Variants in RGS6 observed in about 807,000 individuals in gnomAD.
The protein encoded by RGS6 is regulator of G protein signaling 6.
Under a neutral mutation model 78.5 loss-of-function variants are expected in RGS6, and 30 were observed. The ratio of observed to expected loss-of-function variants is 0.38; its 90% confidence interval spans 0.29 to 0.52. The LOEUF is 0.52. RGS6 is among the 20% of genes least tolerant of loss of function. The pLI is 0.85. For synonymous variants in RGS6, 206 were observed against 206.0 expected (o/e 1.00, Z 0.00); for missense variants, 495 against 609.7 (o/e 0.81, Z 1.98).
At position 72,056,415 on chromosome 14, in the gene RGS6, C is replaced by T. The variant is rs754193629; in HGVS notation, c.84+91540C>T. Among the ~76,000 whole-genome samples the T allele has an allele frequency of 2.0e-5, 3 of 152,214 alleles. No individual in the cohort carries two copies. In the East Asian group the frequency reaches 5.8e-4, roughly 29 times the overall value. ...TCCTCATCAAAAAACAGCCTTTAATCTCCTACCCAAATCCACCTCGTACCT... is the reference window on the plus strand; with the variant it reads ...TCCTCATCAAAAAACAGCCTTTAATTTCCTACCCAAATCCACCTCGTACCT... On this transcript the variant is annotated intron_variant, in intron 2 of 17. Transcript: ENST00000553525.
At chr14:72,540,919 G>A (rs550883192) in intron 17 of RGS6, 9 of 985,438 alleles carry the variant, frequency 9.1e-6, no homozygotes, top group Middle Eastern at 5.2e-4. Flanking sequence ...TGGGGAGTCC[G>A]TGGCTGTTCC....
At chr14:72,437,011 G>T (rs1597486885) in intron 3 of RGS6, among the ~76,000 whole-genome samples, 1 of 152,014 alleles carries the variant, frequency 6.6e-6, no homozygotes, top group East Asian at 1.9e-4. Context: ...CCTTTGTTCT[G>T]TTTCATTTTT....
chr14:72,283,808 G>A (rs2062000403), intron 2 of RGS6, among the ~76,000 whole-genome samples: 1 of 152,224 alleles, frequency 6.6e-6, no homozygotes, highest in African/African-American at 2.4e-5. Context: ...GGCTGGAAGA[G>A]TTTGGAGGGC....
At chr14:72,324,935 T>A (rs2073292319) in intron 2 of RGS6, among the ~76,000 whole-genome samples, 1 of 152,216 alleles carries the variant, frequency 6.6e-6, no homozygotes, top group African/African-American at 2.4e-5. Flanking sequence ...TACCACACTG[T>A]CTTCCACAAT....
chr14:72,521,163 G>A (rs374786041), intron 15 of RGS6, among the ~76,000 whole-genome samples: 10 of 152,182 alleles, frequency 6.6e-5, no homozygotes, highest in Middle Eastern at 3.4e-3. Context: ...TTATTTAACC[G>A]CTTGTTTCTT....
intron 2 of RGS6, among the ~76,000 whole-genome samples, chr14:72,113,753 C>A (rs2095825486): frequency 6.6e-6 from 1 of 152,156 alleles, no homozygotes; most frequent in Non-Finnish European, 1.5e-5. Flanking sequence ...GCATGTCCTG[C>A]ACATCTTTCA....
rs549685023 is a variant in RGS6, at chr14:72,375,128, A to C, written c.184+22934A>C. On this transcript the variant is annotated intron_variant, in intron 3 of 17. Transcript: ENST00000553525. ...AAAAGACTTGAAGAAGAGAGTGATA[A>C]ATTCTAACATCTAACCAAATTTTGA... Among the ~76,000 whole-genome samples, 10 of 152,322 alleles carry C rather than the reference A, an allele frequency of 6.6e-5. No homozygotes were observed. In the South Asian group the frequency reaches 2.1e-3, roughly 32 times the overall value.
chr14:72,324,925 T>C (rs1279315481), intron 2 of RGS6, among the ~76,000 whole-genome samples: 5 of 152,210 alleles, frequency 3.3e-5, no homozygotes, highest in Non-Finnish European at 5.9e-5. Flanking sequence ...CTTGAGGAAT[T>C]ACCACACTGT....
In RGS6 at chr14:72,134,496, T is replaced by C. The variant is rs117848421; in HGVS notation, c.84+169621T>C. Reference sequence around the variant, plus strand: ...TTCCTTTGTTTTATGTACAGAAATATAGTTATTAATTAGGTCCTTGGGCAC... The same window carrying C: ...TTCCTTTGTTTTATGTACAGAAATACAGTTATTAATTAGGTCCTTGGGCAC... On this transcript the variant is annotated intron_variant, in intron 2 of 17. Coordinates refer to ENST00000553525, the MANE Select transcript of RGS6 (RefSeq NM_001204424.2). Among the ~76,000 whole-genome samples, 263 of 152,322 alleles carry C rather than the reference T, an allele frequency of 1.7e-3. 1 individual carries two copies. Among genetic ancestry groups the C allele is most frequent in the Non-Finnish European group, 2.6e-3 (177 of 68,026 alleles).
chr14:72,134,853 C>T (rs1015894477), intron 2 of RGS6, among the ~76,000 whole-genome samples: 1 of 152,146 alleles, frequency 6.6e-6, no homozygotes, highest in Non-Finnish European at 1.5e-5. Flanking sequence ...CCCCCTTTCC[C>T]CATCTTTTTG....
intron 2 of RGS6, among the ~76,000 whole-genome samples, chr14:72,152,245 A>AGAGT (rs1337605353): frequency 7.2e-5 from 7 of 97,228 alleles, no homozygotes; most frequent in East Asian, 5.4e-4. Flanking sequence ...AGAGAGAGAG[A>AGAGT]GTGTGTGTGT....
the RGS6 span, among the ~76,000 whole-genome samples, chr14:71,875,204 G>C: frequency 6.6e-6 from 1 of 152,112 alleles, no homozygotes; most frequent in Non-Finnish European, 1.5e-5. Context: ...GATTGGAATA[G>C]TTTCAGAAGG....
At chr14:72,619,750 C>A in the RGS6 span, among the ~76,000 whole-genome samples, 1 of 152,140 alleles carries the variant, frequency 6.6e-6, no homozygotes, top group Non-Finnish European at 1.5e-5. Context: ...TGGCAGTCGT[C>A]GTACCTACCT....
chr14:72,419,908 A>G (rs1290004661), intron 3 of RGS6, among the ~76,000 whole-genome samples: 1 of 152,184 alleles, frequency 6.6e-6, no homozygotes, highest in Non-Finnish European at 1.5e-5. Flanking sequence ...CTAGGTGGAG[A>G]GAAGTAGAGC....
the RGS6 span, among the ~76,000 whole-genome samples, chr14:71,868,069 G>C: frequency 2.0e-5 from 3 of 152,134 alleles, no homozygotes; most frequent in Admixed American, 2.0e-4. Flanking sequence ...AGGGTCAAAC[G>C]TCCACCGGCT....
chr14:71,923,206 C>T, the RGS6 span, among the ~76,000 whole-genome samples: 1 of 152,164 alleles, frequency 6.6e-6, no homozygotes, highest in Non-Finnish European at 1.5e-5. Flanking sequence ...TTCTCTGAGT[C>T]ATGGCTTCTA....
At chr14:72,487,315 A>G (rs988116921) in intron 12 of RGS6, among the ~76,000 whole-genome samples, 7 of 152,264 alleles carry the variant, frequency 4.6e-5, no homozygotes, top group Non-Finnish European at 8.8e-5. Flanking sequence ...TAAGAAATAC[A>G]TAATAATACA....
the RGS6 span, among the ~76,000 whole-genome samples, chr14:71,897,197 A>G: frequency 1.3e-4 from 20 of 152,366 alleles, no homozygotes; most frequent in Non-Finnish European, 2.8e-4. Context: ...ATCAATGAAT[A>G]AATATTCTGG....
At position 72,562,601 on chromosome 14, in the gene RGS6, G is replaced by A; in HGVS notation, c.*134G>A. On this transcript the variant is annotated 3_prime_UTR_variant, in exon 18 of 18. Transcript: ENST00000553525. ...AGGAGAAAGAGTGAGGGCAATGAAGGGCGATGGTGGGGAGACTCGGTGGGT... is the reference window on the plus strand; with the variant it reads ...AGGAGAAAGAGTGAGGGCAATGAAGAGCGATGGTGGGGAGACTCGGTGGGT... The A allele has an allele frequency of 2.6e-6, 4 of 1,537,384 alleles. No homozygotes were observed. In the South Asian group the frequency reaches 3.5e-5, roughly 14 times the overall value.
Sources: allele counts gnomAD v4.1 joint callset (sites outside exome capture counted in the v4.1 genomes callset), GRCh38; gene constraint gnomAD v4.1.1; transcripts MANE v1.5; gene names NCBI Gene and HGNC (gene_info 2026-07-23, HGNC 2026-07-21).